Variants in CDK5RAP3 observed in about 807,000 individuals in gnomAD.
CDK5RAP3 encodes the protein CDK5 regulatory subunit associated protein 3, also known as CDK5 regulatory subunit-associated protein 3.
In CDK5RAP3, 58 loss-of-function variants were observed where a neutral mutation model predicts 73.3. That is an observed-to-expected ratio of 0.79 (90% CI 0.64 to 0.98). CDK5RAP3 has a LOEUF of 0.98. Ranked by LOEUF, CDK5RAP3 falls within the 50% of genes least tolerant of loss-of-function variation. The pLI is 0.00. For missense variants in CDK5RAP3, 525 were observed against 615.8 expected (o/e 0.85, Z 1.56); for synonymous variants, 224 against 247.5 (o/e 0.91, Z 0.89).
intron 12 of CDK5RAP3, 116 bp from the exon 13 acceptor site, chr17:47,981,047 G>C (rs1212484228): frequency 1.7e-6 from 2 of 1,156,580 alleles, no homozygotes; most frequent in Non-Finnish European, 2.5e-6. Context: ...TTAAGGATGT[G>C]AGGGTAAGCG....
In CDK5RAP3 at chr17:47,981,262, A is replaced by T; in HGVS notation, c.1383A>T (p.Ala461=). The change falls in exon 13 of 14, where the codon GCA becomes GCT. Residue 461 remains alanine, a synonymous_variant. Transcript: ENST00000338399. ...TGATGGTGCAGAAGCAGCAGGAGGC[A>T]CTTGAGGAGCAGGCGGCTCTGGAGC... is the stretch of plus-strand genomic sequence containing the variant. ...KELMVQKQQE[A]LEEQAALEPK... 2 of 1,614,230 alleles carry T rather than the reference A, an allele frequency of 1.2e-6. No homozygotes were observed. The highest frequency in any genetic ancestry group is 1.7e-6 in the Non-Finnish European group (2 of 1,180,032).
At chr17:47,968,349 C>G (rs952361323), upstream of CDK5RAP3, among the ~76,000 whole-genome samples, 1 of 152,136 alleles carries the variant, frequency 6.6e-6, no homozygotes, top group African/African-American at 2.4e-5. Context: ...GAGTCTCACT[C>G]TGTTGCCCAG....
At chr17:47,980,892 C>T (rs1657917360) in intron 12 of CDK5RAP3, 94 bp downstream of exon 12, 2 of 1,315,316 alleles carry the variant, frequency 1.5e-6, no homozygotes, top group Admixed American at 3.6e-5. Context: ...AAACCCCATC[C>T]CTGCCTCCTG....
intron 10 of CDK5RAP3, 93 bp from the exon 11 acceptor site, chr17:47,978,736 T>C: frequency 1.1e-6 from 1 of 938,460 alleles, no homozygotes; most frequent in East Asian, 2.4e-5. Context: ...AGTGAGTCTG[T>C]CCGTATTAAT....
At chr17:47,976,627 G>T (rs111558092) in intron 8 of CDK5RAP3, 85 bp from the exon 9 acceptor site, 1 of 938,648 alleles carries the variant, frequency 1.1e-6, no homozygotes, top group Non-Finnish European at 1.7e-6. Context: ...GCCTCCCAAA[G>T]TACTGGGGTT....
intron 5 of CDK5RAP3, 42 bp from the exon 6 acceptor site, chr17:47,975,117 A>C (rs543173220): frequency 6.2e-7 from 1 of 1,613,824 alleles, no homozygotes; most frequent in South Asian, 1.1e-5. Flanking sequence ...TGCCTGCCTC[A>C]TGTGGGGGTG....
At chr17:47,980,841 C>A (rs2036536657) in intron 12 of CDK5RAP3, 43 bp downstream of exon 12, 1 of 1,574,818 alleles carries the variant, frequency 6.3e-7, no homozygotes, top group South Asian at 1.1e-5. Context: ...TCTTGAGCAG[C>A]TCTGCCTCCT....
Position 47,971,351 on chromosome 17 carries a change from T to C in CDK5RAP3, c.7-11T>C. On this transcript the variant is annotated splice_polypyrimidine_tract_variant and intron_variant, in intron 1 of 13. Transcript: ENST00000338399. ...CGCTCACGCCCCCCTCCTCACCGTGTTTCCCGCCAGGACCATCAGCACGTG... is the reference window on the plus strand; with the variant it reads ...CGCTCACGCCCCCCTCCTCACCGTGCTTCCCGCCAGGACCATCAGCACGTG... 1 of 1,609,790 alleles carries C rather than the reference T, an allele frequency of 6.2e-7. No homozygotes were observed. Among genetic ancestry groups the C allele is most frequent in the Non-Finnish European group, 8.5e-7 (1 of 1,178,270 alleles).
At chr17:47,980,509 C>T in intron 11 of CDK5RAP3, 84 bp from the exon 12 acceptor site, 1 of 1,253,024 alleles carries the variant, frequency 8.0e-7, no homozygotes, top group Non-Finnish European at 1.2e-6. Context: ...TCAAGCGATC[C>T]TCCTGCCTTG....
In CDK5RAP3 at chr17:47,978,818, CT is replaced by C; in HGVS notation, c.989-9del. On this transcript the variant is annotated splice_polypyrimidine_tract_variant and intron_variant, in intron 10 of 13. Transcript: ENST00000338399. Reference sequence around the variant, plus strand: ...CTGATCCTTTATCACTTCTCTGTCTCTTCCTGGCAGCTCCAGAAGGTGTTGC... The same window carrying C: ...CTGATCCTTTATCACTTCTCTGTCTCTCCTGGCAGCTCCAGAAGGTGTTGC... The C allele has an allele frequency of 6.2e-7, 1 of 1,610,056 alleles. No homozygotes were observed. The highest frequency in any genetic ancestry group is 1.3e-5 in the African/African-American group (1 of 74,962).
intron 11 of CDK5RAP3, 104 bp downstream of exon 11, chr17:47,979,021 A>G (rs897160190): frequency 1.2e-6 from 1 of 836,496 alleles, no homozygotes; most frequent in Non-Finnish European, 2.1e-6. Context: ...GAAGGGTGTG[A>G]GTGCTATTTG....
In CDK5RAP3 at chr17:47,974,418, G is replaced by A; in HGVS notation, c.304G>A (p.Ala102Thr). The change falls in exon 5 of 14, where the codon GCT becomes ACT. Residue 102 changes from alanine (A) to threonine (T), a missense_variant. Around this residue, in one of 2 missense-constraint regions of CDK5RAP3, gnomAD observed 409 missense variants for 429.8 expected, o/e 0.95. Transcript: ENST00000338399. The part of the protein sequence containing the change: ...QRMKDWQEII[A>T]LYEKDNTYLV... The stretch of plus-strand genomic sequence containing the variant: ...TACTCAGGATTGGCAGGAGATTATA[G>A]CTCTGTATGAGAAGGACAACACCTA... 1 of 1,614,150 alleles carries A rather than the reference G, an allele frequency of 6.2e-7. No homozygotes were observed. Among genetic ancestry groups the A allele is most frequent in the African/African-American group, 1.3e-5 (1 of 75,032 alleles).
intron 1 of CDK5RAP3, 31 bp from the exon 2 acceptor site, chr17:47,971,331 A>G (rs771659085): frequency 5.6e-6 from 9 of 1,604,016 alleles, no homozygotes. Flanking sequence ...CTCCGCGCTC[A>G]CGCCCCCCTC....
Position 47,980,792 on chromosome 17 carries a change from C to T in CDK5RAP3, c.1277C>T (p.Ser426Leu). The T allele has an allele frequency of 1.2e-6, 2 of 1,614,196 alleles. No homozygotes were observed. The highest frequency in any genetic ancestry group is 1.7e-6 in the Non-Finnish European group (2 of 1,180,010). The change falls in exon 12 of 14, where the codon TCA (serine) becomes TTA (leucine). Residue 426 changes from serine (S) to leucine (L), a missense_variant. Ser to Leu is a moderately radical substitution (Grantham distance 145). Coordinates refer to ENST00000338399, the MANE Select transcript of CDK5RAP3 (RefSeq NM_176096.3). ...CAACACCTGTTTATGATCCTGGCCT[C>T]ACCAAGGTCTGGCTTCCCCTTGATG... ...QLQHLFMILA[S>L]PRYVDRVTEF...
Position 47,981,533 on chromosome 17 carries a change from T to A in CDK5RAP3, c.*31T>A. ...TCCGTGTTCTTGCCTGCCCATCTTC[T>A]CCGCTTTTGGGATGAAGATGATAGC... On this transcript the variant is annotated 3_prime_UTR_variant, in exon 14 of 14. Coordinates refer to ENST00000338399, the MANE Select transcript of CDK5RAP3 (RefSeq NM_176096.3). 1.2e-6 allele frequency: 2 copies of A among 1,614,216 alleles called. No homozygotes were observed. The highest frequency in any genetic ancestry group is 8.5e-7 in the Non-Finnish European group (1 of 1,180,040).
chr17:47,978,725 C>T (rs1182485581), intron 10 of CDK5RAP3, 104 bp from the exon 11 acceptor site: 1 of 853,902 alleles, frequency 1.2e-6, no homozygotes, highest in South Asian at 1.5e-5. Flanking sequence ...GGCTTTAGCA[C>T]AGTGAGTCTG....
Position 47,981,214 on chromosome 17 carries a change from G to C in CDK5RAP3, c.1335G>C (p.Gln445His), listed in dbSNP as rs1470868016. ...TCCAGCAAAAGCTGAAGCAGTCCCA[G>C]CTGCTGGCTTTGAAGAAAGAGCTGA... ...EFLQQKLKQS[Q>H]LLALKKELMV... The change falls in exon 13 of 14, where the codon CAG becomes CAC. Residue 445 changes from glutamine (Q) to histidine (H), a missense_variant. Physicochemically the swap from Gln to His is conservative, Grantham distance 24. Coordinates refer to ENST00000338399, the MANE Select transcript of CDK5RAP3 (RefSeq NM_176096.3). 1.2e-6 allele frequency: 2 copies of C among 1,614,144 alleles called. No homozygotes were observed. The highest frequency in any genetic ancestry group is 2.7e-5 in the African/African-American group (2 of 74,956).
intron 2 of CDK5RAP3, among the ~76,000 whole-genome samples, chr17:47,971,648 G>A (rs1160589751): frequency 6.6e-6 from 1 of 152,166 alleles, no homozygotes; most frequent in African/African-American, 2.4e-5. Context: ...GTATCATTCA[G>A]GGACAGGATA....
chr17:47,970,163 A>G (rs148448549), upstream of CDK5RAP3, among the ~76,000 whole-genome samples: 1 of 152,138 alleles, frequency 6.6e-6, no homozygotes, highest in East Asian at 1.9e-4. Context: ...CCCTGCCTCA[A>G]ACCCCTTCTG....
Sources: gnomAD v4.1 joint callset for allele counts (sites outside exome capture counted in the v4.1 genomes callset) on GRCh38, gnomAD v4.1.1 for gene constraint, gnomAD v4.1.1 regional missense constraint, MANE v1.5 for transcripts, NCBI Gene and HGNC (gene_info 2026-07-23, HGNC 2026-07-21) for gene names.